The following CUBN variants were observed in gnomAD, a reference collection of about 807,000 sequenced individuals.
The protein encoded by CUBN is cubilin.
A neutral mutation model predicts 405.3 loss-of-function variants in CUBN; 282 were observed. That is an observed-to-expected ratio of 0.70 (90% CI 0.63 to 0.77). CUBN has a LOEUF of 0.77. CUBN is among the 30% of genes least tolerant of loss of function. CUBN has a pLI of 0.00. For missense variants in CUBN, 4,514 were observed against 4,475.2 expected (o/e 1.01, Z -0.25); for synonymous variants, 1,684 against 1,617.0 (o/e 1.04, Z -0.99).
chr10:17,002,325 A>C (rs973840101), intron 28 of CUBN, among the ~76,000 whole-genome samples: 4 of 152,152 alleles, frequency 2.6e-5, no homozygotes, highest in Admixed American at 6.6e-5. Flanking sequence ...TCTATTGGGG[A>C]TATTGTTGCC....
chr10:16,868,253 G>T (rs951484677), intron 59 of CUBN, among the ~76,000 whole-genome samples: 33 of 152,242 alleles, frequency 2.2e-4, no homozygotes, highest in African/African-American at 7.9e-4. Context: ...TGGTTTACCG[G>T]GAAGCCTTCA....
intron 17 of CUBN, among the ~76,000 whole-genome samples, 190 bp downstream of exon 17, chr10:17,084,081 T>G (rs1026077580): frequency 5.3e-5 from 8 of 152,178 alleles, no homozygotes; most frequent in Non-Finnish European, 1.0e-4. Context: ...AATCTGTATC[T>G]TATTAGTACA....
chr10:17,083,444 G>A (rs1026936295), intron 17 of CUBN, among the ~76,000 whole-genome samples: 5 of 152,168 alleles, frequency 3.3e-5, no homozygotes, highest in Non-Finnish European at 7.3e-5. Context: ...GGCAGAGGTT[G>A]TGGTGAGCTG....
chr10:17,100,211 C>T lies in CUBN; in HGVS notation c.1559G>A (p.Arg520Gln), dbSNP rs145380076. ...KVLRITFTFFRLESMDNCPHE... is the reference protein window; with the variant it reads ...KVLRITFTFFQLESMDNCPHE... ...TGGACAGTTGTCCATGGATTCTAACCGGAAAAAAGTGAAAGTGATACGCAG... is the reference window on the plus strand; with the variant it reads ...TGGACAGTTGTCCATGGATTCTAACTGGAAAAAAGTGAAAGTGATACGCAG... The change falls in exon 14 of 67, where the codon CGG becomes CAG. Residue 520 changes from arginine (R) to glutamine (Q), a missense_variant. Transcript: ENST00000377833. 1.4e-5 allele frequency: 22 copies of T among 1,613,320 alleles called. No homozygotes were observed. Among genetic ancestry groups the T allele is most frequent in the Middle Eastern group, 1.6e-4 (1 of 6,084 alleles).
At chr10:16,874,971 A>G (rs1840458043) in intron 57 of CUBN, among the ~76,000 whole-genome samples, 1 of 152,086 alleles carries the variant, frequency 6.6e-6, no homozygotes, top group South Asian at 2.1e-4. Flanking sequence ...CAGGGATAGA[A>G]TATTATATGG....
At chr10:16,908,832 T>A (rs970727186) in intron 48 of CUBN, among the ~76,000 whole-genome samples, 6 of 151,590 alleles carry the variant, frequency 4.0e-5, no homozygotes, top group Non-Finnish European at 8.8e-5. Flanking sequence ...CTAACAGTTA[T>A]GCAGAAGGAG....
At chr10:17,084,029 C>T (rs1836035223) in intron 17 of CUBN, among the ~76,000 whole-genome samples, 1 of 152,166 alleles carries the variant, frequency 6.6e-6, no homozygotes, top group African/African-American at 2.4e-5. Context: ...CCTTCACTTC[C>T]CTGGGTTGAG....
At chr10:17,011,413 G>A (rs963225247) in intron 28 of CUBN, among the ~76,000 whole-genome samples, 2 of 152,042 alleles carry the variant, frequency 1.3e-5, no homozygotes, top group Non-Finnish European at 2.9e-5. Flanking sequence ...GCCCTTAAAG[G>A]TAGTGCGGAG....
intron 31 of CUBN, among the ~76,000 whole-genome samples, chr10:16,970,515 G>A (rs571179538): frequency 2.2e-4 from 33 of 148,476 alleles, no homozygotes; most frequent in African/African-American, 6.5e-4. Context: ...GGTGGAGGTC[G>A]CAGTGAGCTG....
intron 60 of CUBN, among the ~76,000 whole-genome samples, chr10:16,850,045 A>G (rs1344208390): frequency 2.6e-5 from 4 of 152,232 alleles, no homozygotes; most frequent in Non-Finnish European, 5.9e-5. Flanking sequence ...ACATGCACGT[A>G]TCAATTCCTA....
chr10:16,988,949 G>C (rs1833505118), intron 29 of CUBN, among the ~76,000 whole-genome samples: 1 of 152,300 alleles, frequency 6.6e-6, no homozygotes, highest in East Asian at 1.9e-4. Flanking sequence ...GAACATGGAG[G>C]TAAAAATTCC....
intron 28 of CUBN, among the ~76,000 whole-genome samples, chr10:17,008,107 C>A (rs1002576362): frequency 6.6e-6 from 1 of 152,006 alleles, no homozygotes; most frequent in Non-Finnish European, 1.5e-5. Context: ...GCTGAGATTG[C>A]GCCACTGCAC....
At chr10:16,883,393 G>A (rs970059187) in intron 56 of CUBN, among the ~76,000 whole-genome samples, 1 of 152,098 alleles carries the variant, frequency 6.6e-6, no homozygotes, top group Non-Finnish European at 1.5e-5. Flanking sequence ...AATATCAATA[G>A]GAAACATTTC....
At chr10:16,959,788 C>T (rs1372241499) in intron 31 of CUBN, among the ~76,000 whole-genome samples, 1 of 152,182 alleles carries the variant, frequency 6.6e-6, no homozygotes, top group Non-Finnish European at 1.5e-5. Context: ...ACCTTAACTT[C>T]CATTTAGTTC....
intron 54 of CUBN, among the ~76,000 whole-genome samples, chr10:16,891,689 G>A (rs1841012939): frequency 1.3e-5 from 2 of 150,150 alleles, no homozygotes; most frequent in Non-Finnish European, 3.0e-5. Context: ...ATGCATATTA[G>A]GTAATGAATA....
At chr10:16,950,385 A>G (rs936336569) in intron 33 of CUBN, among the ~76,000 whole-genome samples, 1 of 152,198 alleles carries the variant, frequency 6.6e-6, no homozygotes, top group African/African-American at 2.4e-5. Context: ...ATTATTTCAC[A>G]TTGCATGCCT....
At chr10:17,045,795 A>G in intron 24 of CUBN, 139 bp downstream of exon 24, 1 of 834,242 alleles carries the variant, frequency 1.2e-6, no homozygotes. Flanking sequence ...GCTGCTGTTA[A>G]TTTAAAATTA....
rs1291412867 is a variant in CUBN at position 17,045,006 on chromosome 10, C to T, written c.3672+1G>A. On this transcript the variant is annotated splice_donor_variant, in intron 25 of 66. Transcript: ENST00000377833. LOFTEE classifies it high-confidence loss of function. ...CAATATGATGGAAACATTATACATA[C>T]AGCCAGGTAATCTAAAGTGCAGTTT... 4 of 1,613,474 alleles carry T rather than the reference C, an allele frequency of 2.5e-6. No homozygotes were observed. Among genetic ancestry groups the T allele is most frequent in the Non-Finnish European group, 3.4e-6 (4 of 1,179,554 alleles).
chr10:16,995,618 C>T (rs1386113113), intron 28 of CUBN, among the ~76,000 whole-genome samples: 2 of 152,126 alleles, frequency 1.3e-5, no homozygotes, highest in East Asian at 3.8e-4. Context: ...GTATGAGCCA[C>T]CACACCTGGC....
Sources: gnomAD v4.1 joint callset for allele counts (sites outside exome capture counted in the v4.1 genomes callset) on GRCh38, gnomAD v4.1.1 for gene constraint, MANE v1.5 for transcripts, NCBI Gene and HGNC (gene_info 2026-07-23, HGNC 2026-07-21) for gene names.